COL24A1: variants seen among roughly 807,000 people sequenced by gnomAD.
COL24A1 encodes collagen type XXIV alpha 1 chain, also known as collagen alpha-1(XXIV) chain.
In COL24A1, 224 loss-of-function variants were observed where a neutral mutation model predicts 253.9. The ratio of observed to expected loss-of-function variants is 0.88; its 90% confidence interval spans 0.79 to 0.99. COL24A1 has a LOEUF of 0.99. COL24A1 is among the 50% of genes least tolerant of loss of function. The probability of loss-of-function intolerance (pLI) is 0.00; values close to 1 mark genes in which losing one functional copy is unlikely to be tolerated. For missense variants in COL24A1, 2,131 were observed against 2,068.5 expected (o/e 1.03, Z -0.59); for synonymous variants, 685 against 673.7 (o/e 1.02, Z -0.26).
intron 28 of COL24A1, among the ~76,000 whole-genome samples, chr1:85,897,362 A>G (rs1037100983): frequency 6.6e-6 from 1 of 152,076 alleles, no homozygotes; most frequent in African/African-American, 2.4e-5. Flanking sequence ...ATGTTTACCT[A>G]TGTAACAAAC....
chr1:85,996,975 CTCTT>C (rs1694852975), intron 19 of COL24A1, among the ~76,000 whole-genome samples: 1 of 150,124 alleles, frequency 6.7e-6, no homozygotes, highest in Non-Finnish European at 1.5e-5. Flanking sequence ...TTCACATTCT[CTCTT>C]TCTTCAAATG....
rs566961608 is a variant in COL24A1, at chr1:85,924,859, T to A, written c.2563-13426A>T. 5.3e-5 allele frequency among the ~76,000 whole-genome samples: 8 copies of A among 152,244 alleles called. No homozygotes were observed. The South Asian group carries it at 1.7e-3, about 32-fold the overall frequency. ...AGAGAAAGAAATAAAGGGTATTCAA[T>A]TAGGAAAAGAGGAAGTGAAATTGTC... On this transcript the variant is annotated intron_variant, in intron 24 of 59. Transcript: ENST00000370571.
rs185452227 is a variant in COL24A1, at chr1:86,112,784, T to C, written c.1546-164A>G. Among the ~76,000 whole-genome samples the C allele has an allele frequency of 7.5e-4, 114 of 152,332 alleles. 2 individuals carry two copies. The highest frequency in any genetic ancestry group is 2.6e-3 in the African/African-American group (109 of 41,578). ...CCTACTTACTTCAGCTTATGCCCTA[T>C]ACCTACCCAAATTTTTCTTCAGATC... On this transcript the variant is annotated intron_variant, in intron 4 of 59. Transcript: ENST00000370571.
chr1:85,987,982 T>C (rs1359358880), intron 19 of COL24A1, among the ~76,000 whole-genome samples: 10 of 151,902 alleles, frequency 6.6e-5, no homozygotes, highest in East Asian at 1.9e-4. Flanking sequence ...TTCAACATCA[T>C]ATGGGATATA....
intron 24 of COL24A1, among the ~76,000 whole-genome samples, chr1:85,927,621 TG>T (rs1388183336): frequency 9.7e-6 from 1 of 103,296 alleles, no homozygotes; most frequent in African/African-American, 3.7e-5. Context: ...GCTCCACCTC[TG>T]GGGGCAGGGC....
intron 8 of COL24A1, 92 bp downstream of exon 8, chr1:86,063,623 T>G (rs1701266219): frequency 1.1e-6 from 1 of 907,702 alleles, no homozygotes; most frequent in Admixed American, 2.9e-5. Flanking sequence ...AGAAGAAAAA[T>G]TGAAAAAATG....
At chr1:85,736,601 A>G (rs1664084201) in intron 58 of COL24A1, 1 of 422,874 alleles carries the variant, frequency 2.4e-6, no homozygotes, top group South Asian at 1.7e-5. Context: ...TAATGAAGAG[A>G]GGTGTTTTAG....
chr1:85,876,200 G>A (rs1010589120), intron 33 of COL24A1, among the ~76,000 whole-genome samples: 1 of 151,984 alleles, frequency 6.6e-6, no homozygotes, highest in Non-Finnish European at 1.5e-5. Flanking sequence ...GAGTGTAGGG[G>A]CTATTACACT....
intron 53 of COL24A1, among the ~76,000 whole-genome samples, chr1:85,769,894 G>T: frequency 6.6e-6 from 1 of 152,080 alleles, no homozygotes; most frequent in East Asian, 1.9e-4. Context: ...ATCCATCACA[G>T]AGCCACTCAA....
intron 19 of COL24A1, among the ~76,000 whole-genome samples, chr1:85,988,228 C>T (rs923121264): frequency 6.6e-6 from 1 of 151,908 alleles, no homozygotes; most frequent in African/African-American, 2.4e-5. Flanking sequence ...TCCTCAAAGG[C>T]TCTATGAACC....
At chr1:86,130,523 T>C (rs1648999340) in intron 2 of COL24A1, among the ~76,000 whole-genome samples, 1 of 151,952 alleles carries the variant, frequency 6.6e-6, no homozygotes, top group Non-Finnish European at 1.5e-5. Context: ...TTTAAATGTA[T>C]ATAATGCCCC....
chr1:86,042,634 G>A (rs927949239), intron 12 of COL24A1, among the ~76,000 whole-genome samples: 3 of 152,020 alleles, frequency 2.0e-5, no homozygotes, highest in African/African-American at 7.2e-5. Flanking sequence ...ACTAAGAGAA[G>A]ATAGCTCTTA....
chr1:86,100,415 T>C (rs565743416), intron 5 of COL24A1, among the ~76,000 whole-genome samples: 66 of 152,314 alleles, frequency 4.3e-4, no homozygotes, highest in Middle Eastern at 3.4e-3. Flanking sequence ...AGTTTGCTTC[T>C]TTCCTTTTAT....
chr1:85,796,316 A>T (rs911107767), intron 47 of COL24A1, among the ~76,000 whole-genome samples: 2 of 152,198 alleles, frequency 1.3e-5, no homozygotes, highest in African/African-American at 4.8e-5. Context: ...ATGTTTTATC[A>T]ATCCTAAAAA....
intron 39 of COL24A1, among the ~76,000 whole-genome samples, chr1:85,847,332 A>G (rs1195310954): frequency 6.6e-6 from 1 of 152,248 alleles, no homozygotes; most frequent in East Asian, 1.9e-4. Context: ...ATGACAGCAT[A>G]GTTTTATACA....
chr1:86,125,122 A>T lies in COL24A1; in HGVS notation c.1214T>A (p.Ile405Asn). 6.2e-7 allele frequency: 1 copy of T among 1,613,302 alleles called. No individual in the cohort carries two copies. The highest frequency in any genetic ancestry group is 8.5e-7 in the Non-Finnish European group (1 of 1,179,732). Residue 405 changes from isoleucine (I) to asparagine (N), a missense_variant, in exon 3 of 60, where the codon ATT becomes AAT. Transcript: ENST00000370571. Reference sequence around the variant, plus strand: ...TGTGATAGCCTTCTTGAGATTAGTAATTGTATCTTGTTTAATTTGTGGAAG... The same window carrying T: ...TGTGATAGCCTTCTTGAGATTAGTATTTGTATCTTGTTTAATTTGTGGAAG... ...SILPQIKQDTITNLKKAITAN... is the reference protein window; with the variant it reads ...SILPQIKQDTNTNLKKAITAN...
intron 14 of COL24A1, among the ~76,000 whole-genome samples, chr1:86,026,281 G>C (rs1044632427): frequency 6.6e-6 from 1 of 152,202 alleles, no homozygotes; most frequent in African/African-American, 2.4e-5. Flanking sequence ...GTTTAGAAGA[G>C]ATGAGGACTA....
chr1:85,874,405 G>C (rs1400080442), intron 35 of COL24A1, among the ~76,000 whole-genome samples: 1 of 152,026 alleles, frequency 6.6e-6, no homozygotes, highest in African/African-American at 2.4e-5. Context: ...TTTTGGTAAG[G>C]GTTCTGCAAA....
At chr1:86,120,783 C>A (rs1475479487) in intron 3 of COL24A1, among the ~76,000 whole-genome samples, 1 of 152,098 alleles carries the variant, frequency 6.6e-6, no homozygotes, top group Non-Finnish European at 1.5e-5. Flanking sequence ...CCAGCCATCC[C>A]ATTACTAGGT....
Sources: allele counts gnomAD v4.1 joint callset (sites outside exome capture counted in the v4.1 genomes callset), GRCh38; gene constraint gnomAD v4.1.1; transcripts MANE v1.5; gene names NCBI Gene and HGNC (gene_info 2026-07-23, HGNC 2026-07-21).